Variants in TAFA4 observed in about 807,000 individuals in gnomAD.
The protein encoded by TAFA4 is chemokine-like protein TAFA-4.
In TAFA4, 20 loss-of-function variants were observed where a neutral mutation model predicts 21.1. That is an observed-to-expected ratio of 0.95 (90% CI 0.67 to 1.38). The LOEUF is 1.38. Among genes scored for constraint, TAFA4 ranks in the 40% most tolerant of loss-of-function variants. TAFA4 has a pLI of 0.00. For synonymous variants in TAFA4, 71 were observed against 67.4 expected, an observed-to-expected ratio of 1.05 and a Z score of -0.26; for missense variants, 211 against 180.9, an observed-to-expected ratio of 1.17 and a Z score of -0.95.
intron 3 of TAFA4, among the ~76,000 whole-genome samples, chr3:68,849,128 G>A (rs1704882010): frequency 6.6e-6 from 1 of 152,088 alleles, no homozygotes; most frequent in African/African-American, 2.4e-5. Flanking sequence ...CTAGCAGTAA[G>A]ATCCTTGCCT....
chr3:68,821,777 T>C (rs1034071938), intron 3 of TAFA4, among the ~76,000 whole-genome samples: 4 of 152,184 alleles, frequency 2.6e-5, no homozygotes, highest in African/African-American at 9.7e-5. Context: ...GTACTATACT[T>C]CTTTCAGGTG....
chr3:68,910,318 T>C (rs529011589), intron 1 of TAFA4, among the ~76,000 whole-genome samples: 1 of 152,278 alleles, frequency 6.6e-6, no homozygotes, highest in South Asian at 2.1e-4. Flanking sequence ...ACAGTGACCT[T>C]AGCAAGTCAC....
chr3:68,913,529 A>C (rs2107008886), intron 1 of TAFA4: 1 of 152,336 alleles, frequency 6.6e-6, no homozygotes, highest in Admixed American at 6.5e-5. Flanking sequence ...AGGGGCAGGG[A>C]AAGGCTGCCA....
chr3:68,883,426 G>C (rs576720088), intron 2 of TAFA4, among the ~76,000 whole-genome samples: 2 of 152,228 alleles, frequency 1.3e-5, no homozygotes, highest in African/African-American at 4.8e-5. Flanking sequence ...TCTCTCTTTT[G>C]ATTAACTAAA....
At chr3:68,898,097 A>G (rs1464336728) in intron 1 of TAFA4, among the ~76,000 whole-genome samples, 1 of 152,164 alleles carries the variant, frequency 6.6e-6, no homozygotes, top group Non-Finnish European at 1.5e-5. Context: ...AGAGCTGGAG[A>G]AGGACAAGGT....
intron 3 of TAFA4, among the ~76,000 whole-genome samples, chr3:68,841,755 T>G (rs1039319532): frequency 2.0e-5 from 3 of 152,070 alleles, no homozygotes; most frequent in African/African-American, 7.2e-5. Context: ...GTCCGTGTGT[T>G]CTCATTGTTC....
At chr3:68,886,190 A>G (rs2089670976) in intron 1 of TAFA4, among the ~76,000 whole-genome samples, 1 of 152,194 alleles carries the variant, frequency 6.6e-6, no homozygotes, top group African/African-American at 2.4e-5. Context: ...CACAACTGAG[A>G]TTTTTCTCTT....
At chr3:68,873,231 C>T (rs1255667321) in intron 3 of TAFA4, among the ~76,000 whole-genome samples, 1 of 151,820 alleles carries the variant, frequency 6.6e-6, no homozygotes, top group Admixed American at 6.6e-5. Context: ...AGGCTAACAA[C>T]CTTGCTCTCA....
intron 1 of TAFA4, among the ~76,000 whole-genome samples, chr3:68,913,374 A>G (rs2089976999): frequency 6.6e-6 from 1 of 152,156 alleles, no homozygotes; most frequent in East Asian, 1.9e-4. Context: ...AAGGCCACCC[A>G]GTTCCACCTC....
Position 68,778,340 on chromosome 3 carries a change from T to C in TAFA4, c.131-25322A>G, listed in dbSNP as rs1004929305. On this transcript the variant is annotated intron_variant, in intron 3 of 5. Coordinates refer to ENST00000295569, the MANE Select transcript of TAFA4 (RefSeq NM_182522.5). ...ATAATCATAAAGAGGTCAATATATA[T>C]CAAGATAACAACATAATCCTAAATG... Among the ~76,000 whole-genome samples the C allele has an allele frequency of 3.3e-5, 5 of 152,130 alleles. No individual in the cohort carries two copies. In the East Asian group the frequency reaches 5.8e-4, roughly 18 times the overall value.
intron 3 of TAFA4, among the ~76,000 whole-genome samples, chr3:68,824,287 G>T (rs893344865): frequency 2.0e-5 from 3 of 152,162 alleles, no homozygotes; most frequent in Non-Finnish European, 4.4e-5. Flanking sequence ...GTTTAACTGG[G>T]CTAACCTCAA....
At chr3:68,860,607 T>C (rs1281631934) in intron 3 of TAFA4, among the ~76,000 whole-genome samples, 1 of 152,176 alleles carries the variant, frequency 6.6e-6, no homozygotes, top group Non-Finnish European at 1.5e-5. Flanking sequence ...TAACAAATAA[T>C]GCTTTTGTAA....
At chr3:68,908,502 A>G (rs2089925547) in intron 1 of TAFA4, among the ~76,000 whole-genome samples, 1 of 126,530 alleles carries the variant, frequency 7.9e-6, no homozygotes, top group Admixed American at 9.1e-5. Context: ...CAGCCACTCT[A>G]AAAAATCAGA....
chr3:68,765,377 A>AT (rs898008513), intron 3 of TAFA4, among the ~76,000 whole-genome samples: 2 of 152,150 alleles, frequency 1.3e-5, no homozygotes, highest in Non-Finnish European at 2.9e-5. Flanking sequence ...ATTTTGTTCT[A>AT]TTTTAGCCCT....
chr3:68,877,084 C>T (rs1428229472), intron 3 of TAFA4, among the ~76,000 whole-genome samples: 1 of 152,002 alleles, frequency 6.6e-6, no homozygotes, highest in Non-Finnish European at 1.5e-5. Context: ...TCGGGCCGGG[C>T]GCAGTGTCTC....
At chr3:68,900,384 T>C (rs2089834538) in intron 1 of TAFA4, among the ~76,000 whole-genome samples, 1 of 151,800 alleles carries the variant, frequency 6.6e-6, no homozygotes, top group Non-Finnish European at 1.5e-5. Flanking sequence ...GCAATATAAT[T>C]CCAATAGTAT....
At chr3:68,890,612 G>A (rs1289014012) in intron 1 of TAFA4, among the ~76,000 whole-genome samples, 3 of 152,200 alleles carry the variant, frequency 2.0e-5, no homozygotes, top group South Asian at 2.1e-4. Flanking sequence ...ATCACGATAT[G>A]GCATAGGTAG....
rs147179335 is a variant in TAFA4 at position 68,813,635 on chromosome 3, A to C, written c.131-60617T>G. 7.5e-3 allele frequency among the ~76,000 whole-genome samples: 1,143 copies of C among 152,330 alleles called. 15 individuals are homozygous for C. Among genetic ancestry groups the C allele is most frequent in the African/African-American group, 0.026 (1,088 of 41,570 alleles). ...AACCAGGAAGAAGTTGAATGTCTGAATAGATCAACAAAAGGCTCTGAAATT... is the reference window on the plus strand; with the variant it reads ...AACCAGGAAGAAGTTGAATGTCTGACTAGATCAACAAAAGGCTCTGAAATT... On this transcript the variant is annotated intron_variant, in intron 3 of 5. Transcript: ENST00000295569.
chr3:68,801,070 C>G lies in TAFA4; in HGVS notation c.131-48052G>C, dbSNP rs75688465. ...GCCCATCATTAACTTGCATGACTCC[C>G]TCCAGACTCCAGAATTTCACAGCCA... On this transcript the variant is annotated intron_variant, in intron 3 of 5. Transcript: ENST00000295569. 1.9e-3 allele frequency among the ~76,000 whole-genome samples: 283 copies of G among 152,298 alleles called. 3 individuals are homozygous for G. Among genetic ancestry groups the G allele is most frequent in the African/African-American group, 6.5e-3 (269 of 41,562 alleles).
Sources: gnomAD v4.1 joint callset for allele counts (sites outside exome capture counted in the v4.1 genomes callset) on GRCh38, gnomAD v4.1.1 for gene constraint, MANE v1.5 for transcripts, NCBI Gene and HGNC (gene_info 2026-07-23, HGNC 2026-07-21) for gene names.